Variants in TANC1 observed in about 807,000 individuals in gnomAD.
The protein encoded by TANC1 is protein TANC1.
In TANC1, 77 loss-of-function variants were observed where a neutral mutation model predicts 149.7. The ratio of observed to expected loss-of-function variants is 0.51; its 90% CI spans 0.43 to 0.62. The LOEUF (loss-of-function observed/expected upper bound fraction) is 0.62, where lower values mean the gene tolerates loss of function less well. Ranked by LOEUF, TANC1 falls within the 20% of genes least tolerant of loss-of-function variation. TANC1 has a pLI of 0.00. For missense variants in TANC1, 1,985 were observed against 2,321.8 expected, an observed-to-expected ratio of 0.85 and a Z score of 2.98; for synonymous variants, 854 against 925.0, an observed-to-expected ratio of 0.92 and a Z score of 1.39.
chr2:159,039,387 C>A (rs950106358), intron 2 of TANC1, among the ~76,000 whole-genome samples: 1 of 152,096 alleles, frequency 6.6e-6, no homozygotes, highest in African/African-American at 2.4e-5. Context: ...TTCTTGCCTT[C>A]TGCTAGCTTT....
chr2:159,187,102 C>A (rs140659375), intron 16 of TANC1, 78 bp downstream of exon 16: 2 of 1,558,754 alleles, frequency 1.3e-6, no homozygotes, highest in African/African-American at 1.4e-5. Flanking sequence ...GCCCTGTTTC[C>A]CTCTGCCCTG....
intron 22 of TANC1, among the ~76,000 whole-genome samples, chr2:159,220,859 G>C (rs1415677456): frequency 2.0e-5 from 3 of 152,194 alleles, no homozygotes; most frequent in African/African-American, 7.2e-5. Context: ...TAGGATTACA[G>C]GCATGAGCCA....
At chr2:159,088,683 T>G (rs573459684) in intron 3 of TANC1, among the ~76,000 whole-genome samples, 3 of 152,182 alleles carry the variant, frequency 2.0e-5, no homozygotes, top group African/African-American at 7.2e-5. Flanking sequence ...TATGAGACTT[T>G]TTTTGTGACT....
chr2:159,202,734 CTCAG>C (rs1264324386), intron 19 of TANC1, among the ~76,000 whole-genome samples: 2 of 152,254 alleles, frequency 1.3e-5, no homozygotes, highest in African/African-American at 2.4e-5. Context: ...TATTCACAGA[CTCAG>C]TCAGTGTCTG....
chr2:159,157,683 A>C (rs2053582935), intron 7 of TANC1, among the ~76,000 whole-genome samples: 1 of 152,078 alleles, frequency 6.6e-6, no homozygotes, highest in Non-Finnish European at 1.5e-5. Context: ...TCTTCCTTTC[A>C]TCCACTTTTA....
At chr2:159,100,376 C>T (rs1042509490) in intron 4 of TANC1, among the ~76,000 whole-genome samples, 9 of 152,136 alleles carry the variant, frequency 5.9e-5, no homozygotes, top group Non-Finnish European at 1.0e-4. Flanking sequence ...GCAGAAGAAT[C>T]CCTGATGAAG....
intron 1 of TANC1, among the ~76,000 whole-genome samples, chr2:158,984,798 T>TA (rs2034820810): frequency 6.6e-6 from 1 of 151,984 alleles, no homozygotes; most frequent in Non-Finnish European, 1.5e-5. Flanking sequence ...AAAAGGAGCG[T>TA]AAGAAGCAGA....
intron 4 of TANC1, 134 bp downstream of exon 4, chr2:159,097,968 ATCTT>A: frequency 2.7e-6 from 2 of 751,604 alleles, no homozygotes; most frequent in South Asian, 2.4e-5. Context: ...GAAGAAATAA[ATCTT>A]TTTTTTTTTT....
At chr2:159,188,511 CA>C (rs1460725014) in intron 16 of TANC1, among the ~76,000 whole-genome samples, 3 of 152,226 alleles carry the variant, frequency 2.0e-5, no homozygotes, top group Non-Finnish European at 4.4e-5. Context: ...GACTGGTGGC[CA>C]GCCGCAAGCT....
chr2:159,146,935 A>T (rs1377824034), intron 5 of TANC1, among the ~76,000 whole-genome samples: 1 of 82,398 alleles, frequency 1.2e-5, no homozygotes, highest in Non-Finnish European at 3.6e-5. Flanking sequence ...TTTTTGGATT[A>T]AAAAAAAAAA....
At chr2:159,062,570 C>A (rs1023701753) in intron 2 of TANC1, among the ~76,000 whole-genome samples, 2 of 152,172 alleles carry the variant, frequency 1.3e-5, no homozygotes, top group African/African-American at 4.8e-5. Context: ...TTCAAGGTGC[C>A]ATTTCCATTG....
chr2:159,124,006 G>A (rs1445020064), intron 4 of TANC1, among the ~76,000 whole-genome samples: 1 of 152,090 alleles, frequency 6.6e-6, no homozygotes, highest in Non-Finnish European at 1.5e-5. Flanking sequence ...GAGCTTTCTT[G>A]GGCTGTGGGC....
chr2:159,088,034 C>A (rs1332551021), intron 3 of TANC1, among the ~76,000 whole-genome samples: 1 of 151,708 alleles, frequency 6.6e-6, no homozygotes, highest in East Asian at 1.9e-4. Context: ...CCCCGAGAGC[C>A]TTCAGAGAGA....
intron 2 of TANC1, among the ~76,000 whole-genome samples, chr2:159,003,740 C>G (rs906736033): frequency 2.6e-5 from 4 of 152,200 alleles, no homozygotes; most frequent in Admixed American, 6.5e-5. Context: ...CTCCAGCTGC[C>G]GCTGCCGCAG....
In TANC1 at chr2:159,150,466, T is replaced by G; in HGVS notation, c.592T>G (p.Cys198Gly). The change falls in exon 7 of 27, where the codon TGT becomes GGT. Residue 198 changes from cysteine to glycine, a missense_variant. Physicochemically the swap from Cys to Gly is radical, Grantham distance 159 (BLOSUM62 -3). Transcript: ENST00000263635. Reference sequence around the variant, plus strand: ...TAGCCCCTGCTCAACCTTGAATAGCTGTGTCAGCAAGACGGCAGCCAACAA... The same window carrying G: ...TAGCCCCTGCTCAACCTTGAATAGCGGTGTCAGCAAGACGGCAGCCAACAA... ...TDSPCSTLNSCVSKTAANKSP... is the reference protein window; with the variant it reads ...TDSPCSTLNSGVSKTAANKSP... 6.2e-7 allele frequency: 1 copy of G among 1,614,148 alleles called. No individual in the cohort carries two copies. The highest frequency in any genetic ancestry group is 8.5e-7 in the Non-Finnish European group (1 of 1,180,020).
intron 19 of TANC1, 92 bp downstream of exon 19, chr2:159,199,145 T>C (rs1421378677): frequency 2.3e-5 from 20 of 859,036 alleles, no homozygotes; most frequent in Non-Finnish European, 3.6e-5. Flanking sequence ...GACTGATATA[T>C]GTAGTCCTGT....
chr2:159,049,723 A>G (rs1257540432), intron 2 of TANC1, among the ~76,000 whole-genome samples: 1 of 152,172 alleles, frequency 6.6e-6, no homozygotes, highest in Non-Finnish European at 1.5e-5. Flanking sequence ...GGAGGCCATG[A>G]GAAAGAGGAG....
chr2:158,972,633 G>A (rs1348086227), intron 1 of TANC1, among the ~76,000 whole-genome samples: 1 of 152,210 alleles, frequency 6.6e-6, no homozygotes, highest in African/African-American at 2.4e-5. Context: ...TGTCTGAGCA[G>A]CTTGTCCATC....
At chr2:159,078,412 T>C (rs543726527) in intron 3 of TANC1, among the ~76,000 whole-genome samples, 1 of 152,352 alleles carries the variant, frequency 6.6e-6, no homozygotes, top group Admixed American at 6.5e-5. Context: ...AATTTTGAAT[T>C]ATAAAGCCTG....
Sources: allele counts gnomAD v4.1 joint callset (sites outside exome capture counted in the v4.1 genomes callset), GRCh38; gene constraint gnomAD v4.1.1; transcripts MANE v1.5; gene names NCBI Gene and HGNC (gene_info 2026-07-23, HGNC 2026-07-21).